The following PGCKA1 variants were observed in gnomAD, a reference collection of about 807,000 sequenced individuals.
The protein encoded by PGCKA1 is PDCD10 and GCKIII kinases associated 1.
the PGCKA1 span, among the ~76,000 whole-genome samples, chr4:37,467,872 A>G: frequency 6.6e-6 from 1 of 152,216 alleles, no homozygotes; most frequent in Non-Finnish European, 1.5e-5. Context: ...CTTCAGTTAG[A>G]TTTCAGATCT....
chr4:37,463,959 G>T, the PGCKA1 span, among the ~76,000 whole-genome samples: 1 of 152,120 alleles, frequency 6.6e-6, no homozygotes, highest in African/African-American at 2.4e-5. Flanking sequence ...GGAGCACATC[G>T]CAGGTCCCCT....
the PGCKA1 span, among the ~76,000 whole-genome samples, chr4:37,485,841 C>T: frequency 6.6e-6 from 1 of 152,230 alleles, no homozygotes; most frequent in South Asian, 2.1e-4. Flanking sequence ...CTGTCCTGTC[C>T]TAATAGCAGG....
the PGCKA1 span, among the ~76,000 whole-genome samples, chr4:37,551,705 C>G: frequency 6.6e-6 from 1 of 152,042 alleles, no homozygotes; most frequent in Non-Finnish European, 1.5e-5. Flanking sequence ...CAGATTCAAC[C>G]CTGAAGCCAT....
the PGCKA1 span, among the ~76,000 whole-genome samples, chr4:37,469,188 T>G: frequency 5.4e-4 from 82 of 152,312 alleles, no homozygotes; most frequent in Admixed American, 3.5e-3. Context: ...TAGGTTTGTA[T>G]AAGTACACTC....
the PGCKA1 span, among the ~76,000 whole-genome samples, chr4:37,540,156 C>A: frequency 6.6e-6 from 1 of 152,112 alleles, no homozygotes; most frequent in Non-Finnish European, 1.5e-5. Context: ...TATGGTTGAC[C>A]TTTTTTCCTC....
At chr4:37,528,661 A>G in the PGCKA1 span, among the ~76,000 whole-genome samples, 1 of 152,198 alleles carries the variant, frequency 6.6e-6, no homozygotes, top group Non-Finnish European at 1.5e-5. Flanking sequence ...AGAGAGGAGG[A>G]CACCCATATT....
chr4:37,493,724 T>A, the PGCKA1 span, among the ~76,000 whole-genome samples: 1 of 152,156 alleles, frequency 6.6e-6, no homozygotes, highest in Non-Finnish European at 1.5e-5. Flanking sequence ...CCATCCTCCA[T>A]GGCCCCACTA....
At chr4:37,465,467 G>A in the PGCKA1 span, among the ~76,000 whole-genome samples, 110 of 152,076 alleles carry the variant, frequency 7.2e-4, 1 homozygote, top group Non-Finnish European at 1.3e-3. Flanking sequence ...ACTCTTACCC[G>A]GCAAAGGGAG....
chr4:37,458,964 C>T, the PGCKA1 span, among the ~76,000 whole-genome samples: 1 of 152,062 alleles, frequency 6.6e-6, no homozygotes, highest in Non-Finnish European at 1.5e-5. Context: ...AACTGAGAAC[C>T]AGACATGTTA....
At chr4:37,459,802 T>C in the PGCKA1 span, among the ~76,000 whole-genome samples, 1 of 130,330 alleles carries the variant, frequency 7.7e-6, no homozygotes, top group East Asian at 2.1e-4. Flanking sequence ...TTTCTTTCTT[T>C]TTTTTTTTTT....
At chr4:37,569,096 CAAAAA>C in the PGCKA1 span, among the ~76,000 whole-genome samples, 1 of 146,220 alleles carries the variant, frequency 6.8e-6, no homozygotes, top group African/African-American at 2.5e-5. Flanking sequence ...GACCCTGTCT[CAAAAA>C]AAAAGGGGGG....
chr4:37,477,804 T>C, the PGCKA1 span, among the ~76,000 whole-genome samples: 1 of 152,298 alleles, frequency 6.6e-6, no homozygotes, highest in Admixed American at 6.5e-5. Flanking sequence ...CTTTGTTTAA[T>C]AGTTAGGTTT....
At chr4:37,476,206 T>G in the PGCKA1 span, among the ~76,000 whole-genome samples, 3 of 152,100 alleles carry the variant, frequency 2.0e-5, no homozygotes, top group Non-Finnish European at 4.4e-5. Flanking sequence ...GTAAATATAT[T>G]TAGCACATGG....
the PGCKA1 span, among the ~76,000 whole-genome samples, chr4:37,472,119 C>T: frequency 1.3e-5 from 2 of 152,188 alleles, no homozygotes; most frequent in African/African-American, 4.8e-5. Flanking sequence ...CTGCATACTG[C>T]GTGTGCCCCT....
chr4:37,519,745 GC>G, the PGCKA1 span, among the ~76,000 whole-genome samples: 1 of 152,148 alleles, frequency 6.6e-6, no homozygotes, highest in South Asian at 2.1e-4. Flanking sequence ...CAATTTGGAT[GC>G]CCTTTATATC....
chr4:37,512,623 T>C, the PGCKA1 span, among the ~76,000 whole-genome samples: 1 of 151,930 alleles, frequency 6.6e-6, no homozygotes, highest in Non-Finnish European at 1.5e-5. Context: ...CTAGCTAATT[T>C]TTTTATATTT....
chr4:37,524,087 C>T, the PGCKA1 span, among the ~76,000 whole-genome samples: 1 of 152,324 alleles, frequency 6.6e-6, no homozygotes, highest in South Asian at 2.1e-4. Context: ...CCAAGAGTAA[C>T]AATTGAAGTA....
chr4:37,570,733 T>A, the PGCKA1 span, among the ~76,000 whole-genome samples: 12 of 152,342 alleles, frequency 7.9e-5, no homozygotes, highest in African/African-American at 2.9e-4. Context: ...TTGTATCTCC[T>A]CCCTTCCAAA....
chr4:37,571,365 T>TCC, the PGCKA1 span, among the ~76,000 whole-genome samples: 1 of 131,518 alleles, frequency 7.6e-6, no homozygotes, highest in African/African-American at 3.0e-5. Context: ...CTTTTTTTTT[T>TCC]TTTTTTTTTT....
Sources: gnomAD v4.1 joint callset for allele counts (sites outside exome capture counted in the v4.1 genomes callset) on GRCh38, gnomAD v4.1.1 for gene constraint, MANE v1.5 for transcripts, NCBI Gene and HGNC (gene_info 2026-07-23, HGNC 2026-07-21) for gene names.